Variants in CSMD3 observed in about 807,000 individuals in gnomAD.
CSMD3 encodes CUB and sushi domain-containing protein 3.
Under a neutral mutation model 435.2 loss-of-function variants are expected in CSMD3, and 177 were observed. The observed-to-expected ratio is 0.41, with a 90% CI of 0.36 to 0.46. The LOEUF is 0.46. Ranked by LOEUF, CSMD3 falls within the 20% of genes least tolerant of loss-of-function variation. The probability of loss-of-function intolerance (pLI) is 0.34; values close to 1 mark genes in which losing one functional copy is unlikely to be tolerated. For missense variants in CSMD3, 4,265 were observed against 4,504.6 expected, an observed-to-expected ratio of 0.95 and a Z score of 1.52; for synonymous variants, 1,656 against 1,520.5, an observed-to-expected ratio of 1.09 and a Z score of -2.07.
chr8:112,472,421 G>C (rs1413179980), intron 32 of CSMD3, among the ~76,000 whole-genome samples, 170 bp downstream of exon 32: 1 of 152,074 alleles, frequency 6.6e-6, no homozygotes, highest in Non-Finnish European at 1.5e-5. Context: ...TTCAGATTGA[G>C]TAAGATGACC....
In CSMD3 at chr8:112,313,920, C is replaced by T. The variant is rs750618214; in HGVS notation, c.7682G>A (p.Arg2561Gln). The stretch of plus-strand genomic sequence containing the variant: ...GTTTTACATACCTATATATCTTATC[C>T]GGAAGCCTTTTTTGTTATTGCCATG... ...ADHGNNKKGF[R>Q]IRYIAFYCST... The change falls in exon 49 of 71, where the codon CGG (arginine) becomes CAG (glutamine). Residue 2561 changes from arginine (R) to glutamine (Q), a missense_variant. Arg to Gln is a conservative substitution (Grantham distance 43). Around this residue, in one of 3 missense-constraint regions of CSMD3, gnomAD observed 3,255 missense variants for 3,380.2 expected, o/e 0.96. Coordinates refer to ENST00000297405, the MANE Select transcript of CSMD3 (RefSeq NM_198123.2). The T allele has an allele frequency of 7.1e-5, 115 of 1,610,948 alleles. No individual in the cohort carries two copies. The highest frequency in any genetic ancestry group is 3.3e-4 in the South Asian group (30 of 91,012).
At chr8:113,176,215 G>A (rs1393547092) in intron 3 of CSMD3, among the ~76,000 whole-genome samples, 1 of 152,094 alleles carries the variant, frequency 6.6e-6, no homozygotes, top group Non-Finnish European at 1.5e-5. Flanking sequence ...AAGTCCTGCT[G>A]TTGTTTGTGC....
intron 24 of CSMD3, among the ~76,000 whole-genome samples, chr8:112,570,430 T>C (rs933414130): frequency 2.0e-5 from 3 of 152,238 alleles, no homozygotes; most frequent in African/African-American, 7.2e-5. Context: ...AAACGTCTGT[T>C]AATTCCAGCT....
intron 5 of CSMD3, among the ~76,000 whole-genome samples, chr8:113,063,965 TAAGGTCTAAGCAATGAATTTTAGGAAAA>T (rs2088731370): frequency 2.6e-5 from 4 of 151,552 alleles, no homozygotes; most frequent in African/African-American, 9.7e-5. Context: ...TAATAAATAG[TAAGGTCTAAGCAATGAATTTTAGGAAAA>T]CCTTTTAGTA....
In CSMD3 at chr8:113,063,688, G is replaced by A. The variant is rs1411457213; in HGVS notation, c.917+35068C>T. On this transcript the variant is annotated intron_variant, in intron 5 of 70. Coordinates refer to ENST00000297405, the MANE Select transcript of CSMD3 (RefSeq NM_198123.2). ...CTGCATTTTTACCTCTCTATTTGTT[G>A]GAAACATGTGCCTACAAACCAAACA... 3.3e-5 allele frequency among the ~76,000 whole-genome samples: 5 copies of A among 151,686 alleles called. No individual in the cohort carries two copies. In the East Asian group the frequency reaches 9.6e-4, roughly 29 times the overall value.
At chr8:113,041,499 T>A (rs1280745637) in intron 5 of CSMD3, among the ~76,000 whole-genome samples, 1 of 152,140 alleles carries the variant, frequency 6.6e-6, no homozygotes, top group African/African-American at 2.4e-5. Flanking sequence ...CTGAAACTTT[T>A]AGAAAATCAG....
chr8:112,465,728 A>T (rs1046506493), intron 32 of CSMD3, among the ~76,000 whole-genome samples: 1 of 152,196 alleles, frequency 6.6e-6, no homozygotes, highest in Non-Finnish European at 1.5e-5. Flanking sequence ...TAATCCCAGC[A>T]TGTTGGAAGG....
chr8:112,627,705 T>A (rs528880561), intron 22 of CSMD3, among the ~76,000 whole-genome samples: 1 of 152,162 alleles, frequency 6.6e-6, no homozygotes, highest in Non-Finnish European at 1.5e-5. Context: ...GATTTGAGAT[T>A]TTAATAACAT....
chr8:112,383,546 A>G, intron 37 of CSMD3, 21 bp downstream of exon 37: 1 of 1,255,208 alleles, frequency 8.0e-7, no homozygotes, highest in Non-Finnish European at 1.2e-6. Flanking sequence ...TATTTTAATT[A>G]AGCTCAGCTC....
At chr8:112,706,034 G>T (rs1239578292) in intron 13 of CSMD3, among the ~76,000 whole-genome samples, 1 of 152,042 alleles carries the variant, frequency 6.6e-6, no homozygotes, top group African/African-American at 2.4e-5. Flanking sequence ...TACTGTGTCT[G>T]TGACAAATGC....
intron 38 of CSMD3, among the ~76,000 whole-genome samples, chr8:112,379,803 G>T (rs1048457210): frequency 1.3e-5 from 2 of 152,070 alleles, no homozygotes; most frequent in Admixed American, 1.3e-4. Context: ...GTGTAGTACC[G>T]GATAAAAACA....
intron 7 of CSMD3, among the ~76,000 whole-genome samples, chr8:112,957,896 C>T (rs1269113123): frequency 1.3e-5 from 2 of 151,856 alleles, no homozygotes; most frequent in African/African-American, 4.8e-5. Context: ...CAAGCGCGCA[C>T]CACCGCGCCC....
chr8:112,485,179 C>T (rs1198514622), intron 31 of CSMD3, among the ~76,000 whole-genome samples: 3 of 152,066 alleles, frequency 2.0e-5, no homozygotes, highest in Admixed American at 6.6e-5. Flanking sequence ...AATAATTTTC[C>T]CCTATCGTAT....
At chr8:112,545,496 A>AAT (rs1456217132) in intron 27 of CSMD3, among the ~76,000 whole-genome samples, 5 of 141,986 alleles carry the variant, frequency 3.5e-5, no homozygotes, top group East Asian at 4.0e-4. Context: ...AAAAAAAAAA[A>AAT]AAAAAAATAA....
intron 5 of CSMD3, among the ~76,000 whole-genome samples, chr8:113,051,064 G>A (rs768893913): frequency 3.9e-5 from 6 of 151,976 alleles, no homozygotes; most frequent in African/African-American, 1.2e-4. Flanking sequence ...ACAATTTAGC[G>A]AAGATTCAAC....
chr8:112,292,266 G>GCTCTACCACTT (rs1563747131), intron 55 of CSMD3, among the ~76,000 whole-genome samples: 3 of 151,982 alleles, frequency 2.0e-5, no homozygotes, highest in African/African-American at 7.2e-5. Flanking sequence ...AAATAAGAGA[G>GCTCTACCACTT]TTAGAAATTA....
intron 28 of CSMD3, among the ~76,000 whole-genome samples, chr8:112,508,797 T>G (rs939263850): frequency 6.6e-6 from 1 of 152,186 alleles, no homozygotes; most frequent in Non-Finnish European, 1.5e-5. Flanking sequence ...ATTCTGATTT[T>G]TTTTTTAATT....
intron 3 of CSMD3, among the ~76,000 whole-genome samples, chr8:113,181,994 A>T: frequency 6.6e-6 from 1 of 152,062 alleles, no homozygotes; most frequent in East Asian, 1.9e-4. Context: ...TATTCAACAA[A>T]TATGAAGACT....
chr8:113,407,969 C>T (rs1201980867), intron 1 of CSMD3, among the ~76,000 whole-genome samples: 1 of 152,058 alleles, frequency 6.6e-6, no homozygotes, highest in African/African-American at 2.4e-5. Flanking sequence ...AAAAAAATCT[C>T]AAACTCAGTA....
Sources: gnomAD v4.1 joint callset for allele counts (sites outside exome capture counted in the v4.1 genomes callset) on GRCh38, gnomAD v4.1.1 for gene constraint, gnomAD v4.1.1 regional missense constraint, MANE v1.5 for transcripts, NCBI Gene and HGNC (gene_info 2026-07-23, HGNC 2026-07-21) for gene names.